Variants in CRADD observed in about 807,000 individuals in gnomAD.
CRADD encodes CARD and death domain containing adaptor protein.
A neutral mutation model predicts 15.5 loss-of-function variants in CRADD; 9 were observed. That is an observed-to-expected ratio of 0.58 (90% CI 0.35 to 1.01). The LOEUF is 1.01. Among genes scored for constraint, CRADD ranks in the 50% least tolerant of loss-of-function variants. CRADD has a pLI of 0.02. For synonymous variants in CRADD, 118 were observed against 107.6 expected (o/e 1.10, Z -0.60); for missense variants, 227 against 250.3 (o/e 0.91, Z 0.63).
At chr12:93,894,393 A>T in exon 3 of CRADD, 1 of 463,312 alleles carries the variant, frequency 2.2e-6, no homozygotes, top group Non-Finnish European at 4.0e-6. Flanking sequence ...AATGGTGCAG[A>T]GGGTGAGAAG....
chr12:93,745,955 C>G (rs1028064159), intron 2 of CRADD, among the ~76,000 whole-genome samples: 1 of 152,156 alleles, frequency 6.6e-6, no homozygotes, highest in South Asian at 2.1e-4. Context: ...CATACACACA[C>G]TATTACCACC....
At chr12:93,714,691 C>G (rs150037186) in intron 2 of CRADD, 4 of 152,192 alleles carry the variant, frequency 2.6e-5, no homozygotes, top group Non-Finnish European at 5.9e-5. Context: ...AAGGCAGTCA[C>G]AGCTACCAAC....
At chr12:93,842,393 TCAAA>T (rs747914021) in intron 2 of CRADD, among the ~76,000 whole-genome samples, 3 of 152,146 alleles carry the variant, frequency 2.0e-5, no homozygotes, top group East Asian at 1.9e-4. Context: ...ACAGATGAAG[TCAAA>T]CAGACAGCTA....
chr12:93,760,400 A>G lies in CRADD; in HGVS notation c.298+81328A>G, dbSNP rs60360687. Among the ~76,000 whole-genome samples the G allele has an allele frequency of 6.6e-4, 100 of 152,246 alleles. 1 individual carries two copies. Among genetic ancestry groups the G allele is most frequent in the African/African-American group, 2.3e-3 (95 of 41,568 alleles). ...AATAAATCCAGAAGGCTTATTATTT[A>G]TTTTATCCAGGCATGTTTTATTTAC... On this transcript the variant is annotated intron_variant, in intron 2 of 2. Transcript: ENST00000332896.
chr12:93,794,604 A>G (rs764610432), intron 2 of CRADD, among the ~76,000 whole-genome samples: 1 of 152,094 alleles, frequency 6.6e-6, no homozygotes, highest in African/African-American at 2.4e-5. Flanking sequence ...AACCTCTGAC[A>G]TCTCTCACTG....
intron 2 of CRADD, among the ~76,000 whole-genome samples, chr12:93,839,619 A>AT (rs1262333522): frequency 3.9e-5 from 6 of 152,104 alleles, no homozygotes; most frequent in African/African-American, 1.4e-4. Context: ...TATTGTCTAG[A>AT]TTTCTATACA....
intron 2 of CRADD, 34 bp downstream of exon 2, chr12:93,679,106 C>T (rs757444007): frequency 1.3e-6 from 2 of 1,539,046 alleles, no homozygotes; most frequent in Non-Finnish European, 8.9e-7. Flanking sequence ...GAACCAGCTC[C>T]AAAATGTTGT....
At position 93,807,981 on chromosome 12, in the gene CRADD, CAAAAA is replaced by C. The variant is rs368104878; in HGVS notation, c.299-41973_299-41969del. 1.2e-4 allele frequency among the ~76,000 whole-genome samples: 8 copies of C among 67,742 alleles called. No individual in the cohort carries two copies. In the East Asian group the frequency reaches 2.4e-3, roughly 20 times the overall value. The allele number at this position is 67,742 out of a possible 152,430, so 44.4% of individuals were successfully genotyped here. On this transcript the variant is annotated intron_variant, in intron 2 of 2. Coordinates refer to ENST00000332896, the MANE Select transcript of CRADD (RefSeq NM_003805.5). ...ATGTTAGAAGATGGTAAGTGTTATGCAAAAAAAAAAAAAAAAAAAAGTATAGAGCA... is the reference window on the plus strand; with the variant it reads ...ATGTTAGAAGATGGTAAGTGTTATGCAAAAAAAAAAAAAAAGTATAGAGCA...
At chr12:93,742,482 G>C (rs1165386636) in intron 2 of CRADD, among the ~76,000 whole-genome samples, 1 of 151,144 alleles carries the variant, frequency 6.6e-6, no homozygotes, top group African/African-American at 2.4e-5. Context: ...CCCAGCGCGG[G>C]GAGGCGGCGC....
At chr12:93,828,633 A>G (rs1164850621) in intron 2 of CRADD, among the ~76,000 whole-genome samples, 1 of 152,244 alleles carries the variant, frequency 6.6e-6, no homozygotes, top group African/African-American at 2.4e-5. Context: ...ACCTTTGTCA[A>G]AAGGTTTCCA....
At chr12:93,832,803 A>G (rs956426357) in intron 2 of CRADD, among the ~76,000 whole-genome samples, 2 of 152,352 alleles carry the variant, frequency 1.3e-5, no homozygotes, top group East Asian at 1.9e-4. Context: ...TATTATGTTC[A>G]CATATACGAC....
chr12:93,839,286 T>C (rs551104785), intron 2 of CRADD, among the ~76,000 whole-genome samples: 1 of 152,346 alleles, frequency 6.6e-6, no homozygotes, highest in Non-Finnish European at 1.5e-5. Context: ...AACCTCATAG[T>C]GACCCCTCAT....
intron 2 of CRADD, among the ~76,000 whole-genome samples, chr12:93,766,485 G>A (rs1384566298): frequency 6.6e-6 from 1 of 152,150 alleles, no homozygotes; most frequent in African/African-American, 2.4e-5. Context: ...CTTTTTTGGA[G>A]TTGCCCTTTG....
chr12:93,806,249 C>T (rs1300088433), intron 2 of CRADD, among the ~76,000 whole-genome samples: 4 of 151,696 alleles, frequency 2.6e-5, no homozygotes, highest in Non-Finnish European at 5.9e-5. Flanking sequence ...ATCAGGAGTT[C>T]GAGACCAGCC....
At chr12:93,843,280 T>G (rs1041849993) in intron 2 of CRADD, among the ~76,000 whole-genome samples, 2 of 152,146 alleles carry the variant, frequency 1.3e-5, no homozygotes, top group Non-Finnish European at 2.9e-5. Flanking sequence ...ATAATGCACT[T>G]CCTAAGCTTC....
At chr12:93,793,313 C>T (rs60618192) in intron 2 of CRADD, among the ~76,000 whole-genome samples, 13,317 of 152,128 alleles carry the variant, frequency 0.088, 896 homozygotes, top group African/African-American at 0.19. Flanking sequence ...AGCTATATTA[C>T]TTAAGCTATA....
intron 2 of CRADD, among the ~76,000 whole-genome samples, chr12:93,881,981 T>G (rs111975863): frequency 0.013 from 1,898 of 151,678 alleles, 41 homozygotes; most frequent in African/African-American, 0.044. Flanking sequence ...ACAAAAATTA[T>G]CTGGGCTTGG....
At chr12:93,745,123 A>G (rs1369660977) in intron 2 of CRADD, among the ~76,000 whole-genome samples, 1 of 152,156 alleles carries the variant, frequency 6.6e-6, no homozygotes, top group Non-Finnish European at 1.5e-5. Flanking sequence ...CCCCCTCTTC[A>G]CTTCTTATAG....
chr12:93,865,914 CTTTAT>C lies in CRADD; in HGVS notation c.299-28128_299-28124del, dbSNP rs996906546. 1.7e-4 allele frequency among the ~76,000 whole-genome samples: 26 copies of C among 152,134 alleles called. 1 individual carries two copies. Among genetic ancestry groups the C allele is most frequent in the African/African-American group, 6.3e-4 (26 of 41,504 alleles). On this transcript the variant is annotated intron_variant, in intron 2 of 2. Transcript: ENST00000548483. ...TGAGAGCTTATATGTCTGGAAAAGA[CTTTAT>C]TTTATTTGATAGCTTGGCTGGGTAT...
Sources: gnomAD v4.1 joint callset for allele counts (sites outside exome capture counted in the v4.1 genomes callset) on GRCh38, gnomAD v4.1.1 for gene constraint, MANE v1.5 for transcripts, NCBI Gene and HGNC (gene_info 2026-07-23, HGNC 2026-07-21) for gene names.